AUTS2: variants seen among roughly 807,000 people sequenced by gnomAD.
AUTS2 encodes activator of transcription and developmental regulator AUTS2.
A neutral mutation model predicts 112.4 loss-of-function variants in AUTS2; 17 were observed. The ratio of observed to expected loss-of-function variants is 0.15; its 90% CI spans 0.10 to 0.23. AUTS2 has a LOEUF of 0.23. AUTS2 is among the 10% of genes least tolerant of loss of function. The probability of loss-of-function intolerance (pLI) is 1.00; values close to 1 mark genes in which losing one functional copy is unlikely to be tolerated. For synonymous variants in AUTS2, 751 were observed against 702.7 expected (o/e 1.07, Z -1.09); for missense variants, 1,510 against 1,701.6 (o/e 0.89, Z 1.98).
At chr7:70,373,783 T>TC (rs1324221340) in intron 4 of AUTS2, among the ~76,000 whole-genome samples, 1 of 152,186 alleles carries the variant, frequency 6.6e-6, no homozygotes, top group African/African-American at 2.4e-5. Flanking sequence ...CTGTAAGTCC[T>TC]CCCCCTGCTA....
At chr7:69,632,508 A>C (rs1042143017) in intron 1 of AUTS2, among the ~76,000 whole-genome samples, 35 of 132,708 alleles carry the variant, frequency 2.6e-4, no homozygotes, top group African/African-American at 4.6e-4. Context: ...CTCCTTCCCC[A>C]TCCCTCTCCA....
intron 2 of AUTS2, among the ~76,000 whole-genome samples, chr7:70,114,342 A>T (rs1216381022): frequency 6.6e-6 from 1 of 152,144 alleles, no homozygotes; most frequent in African/African-American, 2.4e-5. Flanking sequence ...AAGCAGATCA[A>T]TTTTTCTTAG....
intron 5 of AUTS2, among the ~76,000 whole-genome samples, chr7:70,490,293 A>T (rs990386955): frequency 6.6e-6 from 1 of 151,928 alleles, no homozygotes; most frequent in East Asian, 1.9e-4. Flanking sequence ...AACAAATAAT[A>T]AAAAAAAGAA....
intron 4 of AUTS2, among the ~76,000 whole-genome samples, chr7:70,409,553 T>A (rs1442686573): frequency 6.6e-6 from 1 of 152,220 alleles, no homozygotes; most frequent in Admixed American, 6.5e-5. Context: ...ATGAGCGATG[T>A]AGGGTATTAT....
intron 5 of AUTS2, among the ~76,000 whole-genome samples, chr7:70,574,703 A>G (rs1802087286): frequency 6.6e-6 from 1 of 152,168 alleles, no homozygotes; most frequent in Admixed American, 6.5e-5. Context: ...GCTGCACTGT[A>G]GAAAACTGTG....
chr7:70,071,461 C>T (rs1011109634), intron 2 of AUTS2, among the ~76,000 whole-genome samples: 2 of 152,148 alleles, frequency 1.3e-5, no homozygotes, highest in Non-Finnish European at 2.9e-5. Flanking sequence ...TTGACTGCTC[C>T]CTACAATGTG....
At chr7:70,406,336 G>T (rs537221527) in intron 4 of AUTS2, among the ~76,000 whole-genome samples, 1 of 152,232 alleles carries the variant, frequency 6.6e-6, no homozygotes, top group South Asian at 2.1e-4. Flanking sequence ...CTGAAAACCC[G>T]GTTGGAGCTG....
chr7:70,451,352 C>T (rs1415136681), intron 5 of AUTS2, among the ~76,000 whole-genome samples: 1 of 152,056 alleles, frequency 6.6e-6, no homozygotes, highest in Non-Finnish European at 1.5e-5. Context: ...CACATGTACC[C>T]CCGAATCTAA....
intron 4 of AUTS2, among the ~76,000 whole-genome samples, chr7:70,392,147 C>T (rs1216930625): frequency 1.9e-4 from 29 of 152,292 alleles, no homozygotes; most frequent in African/African-American, 7.0e-4. Flanking sequence ...GCAATGGCTT[C>T]TTTGTATGAC....
At chr7:69,893,509 C>CAA (rs1398087096) in intron 1 of AUTS2, among the ~76,000 whole-genome samples, 29 of 152,262 alleles carry the variant, frequency 1.9e-4, no homozygotes, top group African/African-American at 6.3e-4. Flanking sequence ...TGGGGACAGG[C>CAA]AAAGCACTTT....
chr7:70,165,904 G>A (rs1808355320), intron 4 of AUTS2, among the ~76,000 whole-genome samples: 1 of 152,146 alleles, frequency 6.6e-6, no homozygotes, highest in African/African-American at 2.4e-5. Flanking sequence ...TGGAGGAAGG[G>A]CCTGGTGGGA....
rs529365030 is a variant in AUTS2, at chr7:69,707,742, A to G, written c.309+107780A>G. Reference sequence around the variant, plus strand: ...TTGACTGTCAACTGGATGGAGTCCAATTGGTGGGAGAACATGATACCTACC... The same window carrying G: ...TTGACTGTCAACTGGATGGAGTCCAGTTGGTGGGAGAACATGATACCTACC... On this transcript the variant is annotated intron_variant, in intron 1 of 18. Transcript: ENST00000342771. Among the ~76,000 whole-genome samples the G allele has an allele frequency of 4.6e-5, 7 of 152,326 alleles. No homozygotes were observed. The South Asian group carries it at 1.0e-3, about 23-fold the overall frequency.
chr7:70,372,649 C>T (rs1792889851), intron 4 of AUTS2, among the ~76,000 whole-genome samples: 1 of 150,590 alleles, frequency 6.6e-6, no homozygotes, highest in Non-Finnish European at 1.5e-5. Context: ...CTTCTTACTT[C>T]CTTTCTTTCT....
chr7:70,413,940 G>A (rs768222837), intron 4 of AUTS2, among the ~76,000 whole-genome samples: 1 of 152,124 alleles, frequency 6.6e-6, no homozygotes, highest in African/African-American at 2.4e-5. Context: ...CTCCCAAAGC[G>A]CTGGGATTAC....
At chr7:70,054,166 A>G (rs1801888146) in intron 2 of AUTS2, among the ~76,000 whole-genome samples, 1 of 152,146 alleles carries the variant, frequency 6.6e-6, no homozygotes, top group Non-Finnish European at 1.5e-5. Flanking sequence ...TTTGAGTTTT[A>G]CTTTCATAAA....
intron 5 of AUTS2, among the ~76,000 whole-genome samples, chr7:70,689,302 G>A (rs547881806): frequency 6.6e-6 from 1 of 152,214 alleles, no homozygotes; most frequent in East Asian, 1.9e-4. Flanking sequence ...GATCACTTGA[G>A]CCCAGCAGGT....
At chr7:70,650,771 T>C (rs1585440963) in intron 5 of AUTS2, among the ~76,000 whole-genome samples, 1 of 150,990 alleles carries the variant, frequency 6.6e-6, no homozygotes, top group Non-Finnish European at 1.5e-5. Context: ...TCAGATTCAT[T>C]TTACACGCAA....
At chr7:69,830,970 G>T (rs1012908202) in intron 1 of AUTS2, among the ~76,000 whole-genome samples, 1 of 152,162 alleles carries the variant, frequency 6.6e-6, no homozygotes, top group Non-Finnish European at 1.5e-5. Flanking sequence ...TCCCTTCAGA[G>T]GTAGAGAGCC....
At chr7:69,600,560 T>G (rs1583915730) in intron 1 of AUTS2, among the ~76,000 whole-genome samples, 3 of 94,454 alleles carry the variant, frequency 3.2e-5, no homozygotes, top group Admixed American at 1.1e-4. Flanking sequence ...TTTTTTTTGG[T>G]GAAGCTGGGG....
Sources: allele counts gnomAD v4.1 joint callset (sites outside exome capture counted in the v4.1 genomes callset), GRCh38; gene constraint gnomAD v4.1.1; transcripts MANE v1.5; gene names NCBI Gene and HGNC (gene_info 2026-07-23, HGNC 2026-07-21).